The following NECTIN1 variants were observed in gnomAD, a reference collection of about 807,000 sequenced individuals.
NECTIN1 encodes nectin-1.
A neutral mutation model predicts 48.0 loss-of-function variants in NECTIN1; 23 were observed. The ratio of observed to expected loss-of-function variants is 0.48; its 90% confidence interval spans 0.34 to 0.68. The LOEUF (loss-of-function observed/expected upper bound fraction) is 0.68, where lower values mean the gene tolerates loss of function less well. Among genes scored for constraint, NECTIN1 ranks in the 30% least tolerant of loss-of-function variants. The probability of loss-of-function intolerance (pLI) is 0.01; values close to 1 mark genes in which losing one functional copy is unlikely to be tolerated. For missense variants in NECTIN1, 591 were observed against 709.9 expected (o/e 0.83, Z 1.90); for synonymous variants, 270 against 288.9 (o/e 0.93, Z 0.66).
intron 1 of NECTIN1, among the ~76,000 whole-genome samples, chr11:119,718,423 G>T (rs1424077510): frequency 6.6e-6 from 1 of 152,204 alleles, no homozygotes; most frequent in Non-Finnish European, 1.5e-5. Flanking sequence ...AGCCGGCCCA[G>T]GAGAACACCC....
chr11:119,674,750 G>A (rs1004649445), intron 5 of NECTIN1: 1 of 1,606,248 alleles, frequency 6.2e-7, no homozygotes, highest in African/African-American at 1.3e-5. Flanking sequence ...CTCACTTTCT[G>A]GCCCATGAAG....
At chr11:119,693,752 G>C (rs1865301110) in intron 1 of NECTIN1, among the ~76,000 whole-genome samples, 1 of 152,202 alleles carries the variant, frequency 6.6e-6, no homozygotes, top group Non-Finnish European at 1.5e-5. Context: ...TTCCCCAGCA[G>C]AGGCTACTGG....
chr11:119,694,953 A>G lies in NECTIN1; in HGVS notation c.80-16188T>C, dbSNP rs558212804. On this transcript the variant is annotated intron_variant, in intron 1 of 5. Transcript: ENST00000264025. ...GACTCTCCTTCTGAAGGTCTAGAAT[A>G]CAGCCATTCAGCTCCCTCGGCTCCC... Among the ~76,000 whole-genome samples the G allele has an allele frequency of 5.1e-4, 77 of 152,098 alleles. No homozygotes were observed. In the South Asian group the frequency reaches 0.015, roughly 29 times the overall value.
intron 1 of NECTIN1, among the ~76,000 whole-genome samples, chr11:119,712,169 G>T (rs1865660764): frequency 6.6e-6 from 1 of 152,172 alleles, no homozygotes; most frequent in Non-Finnish European, 1.5e-5. Flanking sequence ...GAACAGATTT[G>T]GGGGTTGTTC....
At chr11:119,687,551 G>A (rs1865179807) in intron 1 of NECTIN1, among the ~76,000 whole-genome samples, 1 of 152,178 alleles carries the variant, frequency 6.6e-6, no homozygotes, top group Non-Finnish European at 1.5e-5. Context: ...AGACACGGCA[G>A]CCTGGATTTC....
chr11:119,725,748 T>G (rs1293870198), intron 1 of NECTIN1, among the ~76,000 whole-genome samples: 1 of 152,062 alleles, frequency 6.6e-6, no homozygotes, highest in East Asian at 1.9e-4. Context: ...ACCCGACAGG[T>G]CTTCCGAGGG....
intron 1 of NECTIN1, among the ~76,000 whole-genome samples, chr11:119,689,157 A>G (rs1202061025): frequency 6.6e-6 from 1 of 152,160 alleles, no homozygotes; most frequent in Non-Finnish European, 1.5e-5. Context: ...TCTGTGCATT[A>G]GTGGAGTGTT....
chr11:119,648,595 G>A (rs1413324352), intron 5 of NECTIN1, among the ~76,000 whole-genome samples: 7 of 151,574 alleles, frequency 4.6e-5, no homozygotes, highest in East Asian at 4.0e-4. Context: ...CTGTAGAAAC[G>A]AAACATCACT....
At chr11:119,693,163 C>T (rs562243300) in intron 1 of NECTIN1, among the ~76,000 whole-genome samples, 8 of 152,164 alleles carry the variant, frequency 5.3e-5, no homozygotes, top group African/African-American at 1.4e-4. Context: ...CTTGCCTCCT[C>T]GTCCCAGAGC....
rs962656589 is a variant in NECTIN1 at position 119,684,938 on chromosome 11, C to T, written c.80-6173G>A. On this transcript the variant is annotated intron_variant, in intron 1 of 5. Coordinates refer to ENST00000264025, the MANE Select transcript of NECTIN1 (RefSeq NM_002855.5). The surrounding 1 kb of genome is among the most constrained non-coding windows in gnomAD (Gnocchi z 5.2). Reference sequence around the variant, plus strand: ...AGGAGATTCACGGGTGCCCAGGCTGCCCCCTCCTGCCTCCAGACTCCCCTC... The same window carrying T: ...AGGAGATTCACGGGTGCCCAGGCTGTCCCCTCCTGCCTCCAGACTCCCCTC... 2.6e-5 allele frequency among the ~76,000 whole-genome samples: 4 copies of T among 152,038 alleles called. No homozygotes were observed. Among genetic ancestry groups the T allele is most frequent in the African/African-American group, 9.7e-5 (4 of 41,396 alleles).
At chr11:119,666,949 G>A (rs1203308303) in intron 5 of NECTIN1, among the ~76,000 whole-genome samples, 1 of 152,136 alleles carries the variant, frequency 6.6e-6, no homozygotes, top group Non-Finnish European at 1.5e-5. Flanking sequence ...AAGGTCACGC[G>A]GCTGAGCCAG....
At chr11:119,697,415 G>A (rs540307953) in intron 1 of NECTIN1, among the ~76,000 whole-genome samples, 63 of 152,282 alleles carry the variant, frequency 4.1e-4, no homozygotes, top group Non-Finnish European at 7.1e-4. Context: ...CAGATTATGT[G>A]CCCAAGTTTT....
chr11:119,696,697 A>T (rs1565395660), intron 1 of NECTIN1, among the ~76,000 whole-genome samples: 1 of 152,238 alleles, frequency 6.6e-6, no homozygotes, highest in Non-Finnish European at 1.5e-5. Context: ...GGAACCAGGA[A>T]AGGGTGGGTT....
intron 1 of NECTIN1, among the ~76,000 whole-genome samples, chr11:119,714,496 C>T (rs376532288): frequency 5.2e-4 from 79 of 152,272 alleles, no homozygotes; most frequent in African/African-American, 1.8e-3. Context: ...TCCCCCATGG[C>T]GGTGCAGGCA....
chr11:119,700,355 G>A (rs1207186361), intron 1 of NECTIN1, among the ~76,000 whole-genome samples: 1 of 152,242 alleles, frequency 6.6e-6, no homozygotes, highest in African/African-American at 2.4e-5. Context: ...GTTCGTGAAA[G>A]GGGCCTGGCT....
intron 1 of NECTIN1, among the ~76,000 whole-genome samples, chr11:119,722,699 G>A (rs1246117246): frequency 2.6e-5 from 4 of 152,346 alleles, no homozygotes; most frequent in East Asian, 3.9e-4. Flanking sequence ...GCAGGGACTC[G>A]CTTCCCAAGT....
rs1286875309 is a variant in NECTIN1, at chr11:119,661,252, T to C, written c.*3495A>G. ...CATTTATACAAAAAAGGAAAACCAA[T>C]TTTTTCGACCAAGAATCCCATTCCT... On this transcript the variant is annotated 3_prime_UTR_variant, in exon 6 of 6. Coordinates refer to ENST00000264025, the MANE Select transcript of NECTIN1 (RefSeq NM_002855.5). The C allele has an allele frequency of 1.0e-6, 1 of 985,826 alleles. No individual in the cohort carries two copies. Among genetic ancestry groups the C allele is most frequent in the African/African-American group, 1.7e-5 (1 of 57,340 alleles). The allele number at this position is 985,826 out of a possible 1,614,324, so 61.1% of individuals were successfully genotyped here. A position where few individuals can be genotyped will look rare whatever the true frequency, so the allele number is the denominator to read the frequency against.
rs969535529 is a variant in NECTIN1, at chr11:119,664,144, C to T, written c.*603G>A. 2 of 986,274 alleles carry T rather than the reference C, an allele frequency of 2.0e-6. No homozygotes were observed. The highest frequency in any genetic ancestry group is 2.4e-6 in the Non-Finnish European group (2 of 830,326). 61.1% of individuals were successfully genotyped at this position (986,274 alleles called of 1,614,324 possible). A position where few individuals can be genotyped will look rare whatever the true frequency, so the allele number is the denominator to read the frequency against. On this transcript the variant is annotated 3_prime_UTR_variant, in exon 6 of 6. Transcript: ENST00000264025. ...CAGCAGGAAAACACTGCCCAAGGCC[C>T]CGCTTAACAAACAAGACTCCCTGGG... is the stretch of plus-strand genomic sequence containing the variant.
rs112825775 is a variant in NECTIN1, at chr11:119,665,384, G to A, written c.1004-87C>T. The A allele has an allele frequency of 6.8e-7, 1 of 1,481,362 alleles. No homozygotes were observed. 91.8% of individuals were successfully genotyped at this position (1,481,362 alleles called of 1,614,324 possible). On this transcript the variant is annotated intron_variant, in intron 5 of 5. Coordinates refer to ENST00000264025, the MANE Select transcript of NECTIN1 (RefSeq NM_002855.5). The surrounding 1 kb of genome is among the most constrained non-coding windows in gnomAD (Gnocchi z 5.1). ...GTGGGAGGGAGGCAGGGAAAGGAGA[G>A]GCCAGGAAGGACAGGCTGTCTGCAC...
Sources: gnomAD v4.1 joint callset for allele counts (sites outside exome capture counted in the v4.1 genomes callset) on GRCh38, gnomAD v4.1.1 for gene constraint, Gnocchi (gnomAD v3.1) non-coding constraint, MANE v1.5 for transcripts, NCBI Gene and HGNC (gene_info 2026-07-23, HGNC 2026-07-21) for gene names.